NACA: variants seen among roughly 807,000 people sequenced by gnomAD.
NACA encodes nascent polypeptide associated complex subunit alpha, also known as nascent polypeptide-associated complex subunit alpha.
NACA carries 42 observed loss-of-function variants against 86.4 expected under a neutral mutation model. That is an observed-to-expected ratio of 0.49 (90% CI 0.38 to 0.63). The LOEUF is 0.63. Ranked by LOEUF, NACA falls within the 20% of genes least tolerant of loss-of-function variation. NACA has a pLI of 0.00. For synonymous variants in NACA, 898 were observed against 973.7 expected, an observed-to-expected ratio of 0.92 and a Z score of 1.45; for missense variants, 2,157 against 2,483.6, an observed-to-expected ratio of 0.87 and a Z score of 2.80.
rs573624682 is a variant in NACA, at chr12:56,723,669, T to A, written c.70+783A>T. On this transcript the variant is annotated intron_variant, in intron 2 of 8. Transcript: ENST00000454682. The stretch of plus-strand genomic sequence containing the variant: ...TTGCCCTTAAATAACAAATGAAATT[T>A]AAAAAAAACCAAAAAGGTGAGAATG... Among the ~76,000 whole-genome samples, 7 of 151,954 alleles carry A rather than the reference T, an allele frequency of 4.6e-5. No homozygotes were observed. The East Asian group carries it at 9.7e-4, about 21-fold the overall frequency.
rs901291484 is a variant in NACA, at chr12:56,716,989, T to C, written c.4541A>G (p.Lys1514Arg). Residue 1514 changes from lysine (K) to arginine (R), a missense_variant, in exon 3 of 9, where the codon AAA becomes AGA. Around this residue, in one of 8 missense-constraint regions of NACA, gnomAD observed 797 missense variants for 777.6 expected, o/e 1.02. Coordinates refer to ENST00000454682, the MANE Select transcript of NACA (RefSeq NM_001365896.1). ...TLPAVIPSSP[K>R]EVPATPSSRR... is the part of the protein sequence containing the mutation. ...GGAGGATGGGGTAGCTGGGACCTCT[T>C]TGGGGGAAGAAGGAATCACAGCTGG... 2.3e-6 allele frequency: 3 copies of C among 1,278,410 alleles called. No homozygotes were observed. The highest frequency in any genetic ancestry group is 3.0e-6 in the Non-Finnish European group (3 of 993,492). The allele number at this position is 1,278,410 out of a possible 1,614,324, so 79.2% of individuals were successfully genotyped here. A position where few individuals can be genotyped will look rare whatever the true frequency, so the allele number is the denominator to read the frequency against.
At chr12:56,721,593 C>G (rs572272326) in intron 2 of NACA, 134 bp from the exon 3 acceptor site, 1 of 565,798 alleles carries the variant, frequency 1.8e-6, no homozygotes, top group Non-Finnish European at 3.0e-6. Flanking sequence ...AGTCACCACG[C>G]AGGATTAGAT....
Position 56,716,467 on chromosome 12 carries a change from G to C in NACA, c.5063C>G (p.Pro1688Arg). 6.4e-7 allele frequency: 1 copy of C among 1,557,080 alleles called. No individual in the cohort carries two copies. The highest frequency in any genetic ancestry group is 1.1e-5 in the South Asian group (1 of 89,734). ...PTALKEVLVA[P>R]APESTPIITA... ...GATGATTGGCGTGCTTTCTGGAGCT[G>C]GGGCAACAAGTACTTCTTTCAGAGC... Residue 1688 changes from proline to arginine, a missense_variant, in exon 3 of 9, where the codon CCA becomes CGA. Around this residue, in one of 8 missense-constraint regions of NACA, gnomAD observed 797 missense variants for 777.6 expected, o/e 1.02. Transcript: ENST00000454682.
At chr12:56,721,860 C>T (rs1390232488) in intron 2 of NACA, among the ~76,000 whole-genome samples, 10 of 152,208 alleles carry the variant, frequency 6.6e-5, no homozygotes, top group African/African-American at 2.4e-4. Flanking sequence ...ATTCCCAAGT[C>T]TTTCTCACAG....
rs59501151 is a variant in NACA, at chr12:56,725,251, G to C, written c.-3+12C>G. The C allele has an allele frequency of 1.3e-5, 2 of 152,850 alleles. No individual in the cohort carries two copies. The allele number at this position is 152,850 out of a possible 1,614,324, so 9.5% of individuals were successfully genotyped here. ...GCTGCGGATAGACAGTAGCGGCACA[G>C]AAAGTACTTACTGTGCAGGGAACGC... On this transcript the variant is annotated intron_variant, in intron 1 of 8. Coordinates refer to ENST00000454682, the MANE Select transcript of NACA (RefSeq NM_001365896.1).
At chr12:56,723,018 G>T (rs1953615094) in intron 2 of NACA, among the ~76,000 whole-genome samples, 1 of 152,076 alleles carries the variant, frequency 6.6e-6, no homozygotes, top group Non-Finnish European at 1.5e-5. Flanking sequence ...CTGGAGAGTG[G>T]GTAGGCCAAA....
chr12:56,718,152 G>A lies in NACA; in HGVS notation c.3378C>T (p.Pro1126=). Residue 1126 remains proline, a synonymous_variant, in exon 3 of 9, where the codon CCC becomes CCT. Transcript: ENST00000454682. ...AGGGAGGAGTTGCAGCTGGGGTTGT[G>A]GGTGCCCCTTTGTGGGGTGGGGTAG... ...GLATPPHKGA[P]TTPAATPPSP... The A allele has an allele frequency of 3.4e-6, 2 of 593,222 alleles. 1 individual carries two copies. The highest frequency in any genetic ancestry group is 2.0e-4 in the East Asian group (2 of 9,946). The allele number at this position is 593,222 out of a possible 1,614,324, so 36.7% of individuals were successfully genotyped here.
Position 56,715,959 on chromosome 12 carries a change from C to T in NACA, c.5571G>A (p.Ser1857=), listed in dbSNP as rs754495789. 1.9e-6 allele frequency: 3 copies of T among 1,547,830 alleles called. No homozygotes were observed. Among genetic ancestry groups the T allele is most frequent in the East Asian group, 2.3e-5 (1 of 44,326 alleles). The change falls in exon 3 of 9, where the codon TCG becomes TCA. Residue 1857 remains serine, a synonymous_variant. Transcript: ENST00000454682. ...EPISGGVPFQ[S]VLVNMPTPKS... ...TAGGGGTGGGCATGTTGACGAGGAC[C>T]GACTGGAAAGGCACTCCCCCAGAGA... is the stretch of plus-strand genomic sequence containing the variant.
At position 56,724,411 on chromosome 12, in the gene NACA, G is replaced by A. The variant is rs369977519; in HGVS notation, c.70+41C>T. 160 of 1,574,318 alleles carry A rather than the reference G, an allele frequency of 1.0e-4. No individual in the cohort carries two copies. In the South Asian group the frequency reaches 1.7e-3, roughly 17 times the overall value. On this transcript the variant is annotated intron_variant, in intron 2 of 8. Transcript: ENST00000454682. ...CATTTTGCCCACCAAATGGCTTTAG[G>A]GTTAATTTTAATTAATGGCAAGGAG... is the stretch of plus-strand genomic sequence containing the variant.
At position 56,716,082 on chromosome 12, in the gene NACA, A is replaced by T. The variant is rs746930752; in HGVS notation, c.5448T>A (p.Phe1816Leu). 1 of 1,613,000 alleles carries T rather than the reference A, an allele frequency of 6.2e-7. No homozygotes were observed. Among genetic ancestry groups the T allele is most frequent in the Non-Finnish European group, 8.5e-7 (1 of 1,179,424 alleles). Reference sequence around the variant, plus strand: ...ACACCAGCCCAGGAGAGGACGGCAGAAATTGCTGTTTAGGAGGCAGAGTGG... The same window carrying T: ...ACACCAGCCCAGGAGAGGACGGCAGTAATTGCTGTTTAGGAGGCAGAGTGG... ...PVPTLPPKQQ[F>L]LPSSPGLVLE... Residue 1816 changes from phenylalanine to leucine, a missense_variant, in exon 3 of 9, where the codon TTT (phenylalanine) becomes TTA (leucine). By Grantham distance (22) the Phe-to-Leu change is conservative. Around this residue, in one of 8 missense-constraint regions of NACA, gnomAD observed 797 missense variants for 777.6 expected, o/e 1.02. Transcript: ENST00000454682.
chr12:56,719,841 G>C lies in NACA; in HGVS notation c.1689C>G (p.Val563=), dbSNP rs1481780286. ...TKKDPTVLPL[V]QAAPKNSPSF... ...AAGGGGAATTTTTAGGGGCTGCCTG[G>C]ACTAACGGTAATACAGTAGGGTCTT... Residue 563 remains valine, a synonymous_variant, in exon 3 of 9, where the codon GTC becomes GTG. Transcript: ENST00000454682. 4.3e-6 allele frequency: 7 copies of C among 1,613,760 alleles called. No individual in the cohort carries two copies. In the Admixed American group the frequency reaches 1.2e-4, roughly 27 times the overall value.
Position 56,717,332 on chromosome 12 carries a change from C to A in NACA, c.4198G>T (p.Gly1400Trp). ...ATCACTGCTGGGGAAGTGGGGTCCC[C>A]TTTGGGAGATGGGATAGCTGGTCCT... ...KRGPAIPSPK[G>W]DPTSPAVIPL... is the part of the protein sequence containing the mutation. Residue 1400 changes from glycine to tryptophan, a missense_variant, in exon 3 of 9, where the codon GGG becomes TGG. Gly to Trp is a radical substitution (Grantham distance 184, BLOSUM62 -2). Coordinates refer to ENST00000454682, the MANE Select transcript of NACA (RefSeq NM_001365896.1). 1 of 1,336,828 alleles carries A rather than the reference C, an allele frequency of 7.5e-7. No homozygotes were observed. The highest frequency in any genetic ancestry group is 9.8e-7 in the Non-Finnish European group (1 of 1,024,550). The allele number at this position is 1,336,828 out of a possible 1,614,324, so 82.8% of individuals were successfully genotyped here. A position where few individuals can be genotyped will look rare whatever the true frequency, so the allele number is the denominator to read the frequency against.
Position 56,717,096 on chromosome 12 carries a change from G to A in NACA, c.4434C>T (p.Pro1478=), listed in dbSNP as rs1157690793. 7.1e-6 allele frequency: 9 copies of A among 1,268,546 alleles called. No homozygotes were observed. The highest frequency in any genetic ancestry group is 9.1e-6 in the Non-Finnish European group (9 of 989,044). The allele number at this position is 1,268,546 out of a possible 1,614,324, so 78.6% of individuals were successfully genotyped here. Residue 1478 remains proline (P), a synonymous_variant, in exon 3 of 9, where the codon CCC becomes CCT. Transcript: ENST00000454682. ...AAGTGGCAACTTGTTTGGGGGCTGG[G>A]GGCTCCTTGGGGGAAGGAGGAGTCA... The part of the protein sequence containing the change: ...PAVTPPSPKE[P]PAPKQVATSS...
Position 56,719,248 on chromosome 12 carries a change from G to A in NACA, c.2282C>T (p.Ala761Val), listed in dbSNP as rs774311260. The A allele has an allele frequency of 4.6e-6, 7 of 1,534,426 alleles. No homozygotes were observed. The South Asian group carries it at 6.7e-5, about 15-fold the overall frequency. Residue 761 changes from alanine to valine, a missense_variant, in exon 3 of 9, where the codon GCA becomes GTA. Physicochemically the swap from Ala to Val is moderately conservative, Grantham distance 64 (BLOSUM62 0). Around this residue, in one of 8 missense-constraint regions of NACA, gnomAD observed 947 missense variants for 917.9 expected, o/e 1.03. Transcript: ENST00000454682. ...VDGISHTSAL[A>V]PVASSPKECP... ...CTCTTTGGGAGAGGAAGCAACAGGT[G>A]CCAATGCTGAAGTATGAGAAATACC...
intron 6 of NACA, 134 bp from the exon 7 acceptor site, chr12:56,713,324 A>G (rs1953265534): frequency 7.8e-7 from 1 of 1,280,066 alleles, no homozygotes; most frequent in Non-Finnish European, 1.1e-6. Flanking sequence ...CCCTCACAGT[A>G]GAAAGAGTAG....
chr12:56,719,436 T>C lies in NACA; in HGVS notation c.2094A>G (p.Leu698=), dbSNP rs1436007550. Residue 698 remains leucine, a synonymous_variant, in exon 3 of 9, where the codon TTA becomes TTG. Coordinates refer to ENST00000454682, the MANE Select transcript of NACA (RefSeq NM_001365896.1). ...HPVKEGTLTT[L]PLVPTASENC... The stretch of plus-strand genomic sequence containing the variant: ...TTTCTGAAGCTGTAGGAACCAAGGG[T>C]AAAGTAGTAAGAGTACCTTCCTTAA... 2 of 1,612,942 alleles carry C rather than the reference T, an allele frequency of 1.2e-6. No individual in the cohort carries two copies. The highest frequency in any genetic ancestry group is 2.7e-5 in the African/African-American group (2 of 74,860).
chr12:56,721,084 T>C lies in NACA; in HGVS notation c.446A>G (p.Lys149Arg). 1 of 1,613,838 alleles carries C rather than the reference T, an allele frequency of 6.2e-7. No individual in the cohort carries two copies. Among genetic ancestry groups the C allele is most frequent in the Non-Finnish European group, 8.5e-7 (1 of 1,179,824 alleles). ...LVALAPHSVQ[K>R]SSAFPPNLLT... is the part of the protein sequence containing the mutation. ...AAGGTTAGGTGGAAAAGCAGAACTC[T>C]TCTGAACTGAGTGGGGAGCCAGGGC... The change falls in exon 3 of 9, where the codon AAG (lysine) becomes AGG (arginine). Residue 149 changes from lysine (K) to arginine (R), a missense_variant. Physicochemically the swap from Lys to Arg is conservative, Grantham distance 26 (BLOSUM62 2). This residue lies in a region of NACA where 947 missense variants were observed against 917.9 expected (regional missense o/e 1.03). Transcript: ENST00000454682.
rs773951664 is a variant in NACA at position 56,719,943 on chromosome 12, T to C, written c.1587A>G (p.Gln529=). 4 of 1,613,894 alleles carry C rather than the reference T, an allele frequency of 2.5e-6. No homozygotes were observed. The highest frequency in any genetic ancestry group is 1.1e-5 in the South Asian group (1 of 91,076). Residue 529 remains glutamine, a synonymous_variant, in exon 3 of 9, where the codon CAA becomes CAG. Transcript: ENST00000454682. The stretch of plus-strand genomic sequence containing the variant: ...AGGCAGGTACAGTTTGGAGGTCTTT[T>C]TGTGTTGGAAATTTAACCAATACTG... ...PSSVLVKFPT[Q]KDLQTVPASL...
Position 56,718,232 on chromosome 12 carries a change from TG to T in NACA, c.3297del (p.Ala1102ProfsTer16), listed in dbSNP as rs1265998553. 1.8e-6 allele frequency: 2 copies of T among 1,112,874 alleles called. No individual in the cohort carries two copies. The highest frequency in any genetic ancestry group is 3.9e-5 in the Admixed American group (1 of 25,620). The allele number at this position is 1,112,874 out of a possible 1,614,324, so 68.9% of individuals were successfully genotyped here. A position where few individuals can be genotyped will look rare whatever the true frequency, so the allele number is the denominator to read the frequency against. On this transcript the variant is annotated frameshift_variant, in exon 3 of 9. Coordinates refer to ENST00000454682, the MANE Select transcript of NACA (RefSeq NM_001365896.1). LOFTEE classifies it high-confidence loss of function. The stretch of plus-strand genomic sequence containing the variant: ...GCAGCTGGGGGCATGGGGGCCCCTT[TG>T]GGGGATGGGGTAGCTGGGCCTCCTT... ...SPKGGPATPS[P>X]KGAPMPPAAT...
Sources: gnomAD v4.1 joint callset for allele counts (sites outside exome capture counted in the v4.1 genomes callset) on GRCh38, gnomAD v4.1.1 for gene constraint, gnomAD v4.1.1 regional missense constraint, MANE v1.5 for transcripts, NCBI Gene and HGNC (gene_info 2026-07-23, HGNC 2026-07-21) for gene names.